SLC25A21: variants seen among roughly 807,000 people sequenced by gnomAD.
The protein encoded by SLC25A21 is mitochondrial 2-oxodicarboxylate carrier.
A neutral mutation model predicts 43.8 loss-of-function variants in SLC25A21; 47 were observed. That is an observed-to-expected ratio of 1.07 (90% CI 0.85 to 1.37). The LOEUF (loss-of-function observed/expected upper bound fraction) is 1.37. Among genes scored for constraint, SLC25A21 ranks in the 40% most tolerant of loss-of-function variants. SLC25A21 has a pLI of 0.00. For synonymous variants in SLC25A21, 131 were observed against 121.3 expected (o/e 1.08, Z -0.52); for missense variants, 352 against 350.2 (o/e 1.00, Z -0.04).
At chr14:37,044,066 G>C (rs893473394) in intron 1 of SLC25A21, among the ~76,000 whole-genome samples, 2 of 150,482 alleles carry the variant, frequency 1.3e-5, no homozygotes, top group African/African-American at 2.5e-5. Flanking sequence ...TTACAGGCTT[G>C]AGCCATCACA....
rs1882110303 is a variant in SLC25A21 at position 36,679,677 on chromosome 14, G to A, written c.*981C>T. 1 of 985,342 alleles carries A rather than the reference G, an allele frequency of 1.0e-6. No individual in the cohort carries two copies. The highest frequency in any genetic ancestry group is 1.7e-5 in the African/African-American group (1 of 57,342). The allele number at this position is 985,342 out of a possible 1,614,324, so 61.0% of individuals were successfully genotyped here. A position where few individuals can be genotyped will look rare whatever the true frequency, so the allele number is the denominator to read the frequency against. On this transcript the variant is annotated 3_prime_UTR_variant, in exon 10 of 10. Coordinates refer to ENST00000331299, the MANE Select transcript of SLC25A21 (RefSeq NM_030631.4). Reference sequence around the variant, plus strand: ...GACAGCTGACTTCCCACCTGAAGTTGTCGTTTAAAACTAATAACCTGAAAA... The same window carrying A: ...GACAGCTGACTTCCCACCTGAAGTTATCGTTTAAAACTAATAACCTGAAAA...
At chr14:36,800,923 G>C (rs1394412676) in intron 3 of SLC25A21, among the ~76,000 whole-genome samples, 1 of 152,158 alleles carries the variant, frequency 6.6e-6, no homozygotes, top group African/African-American at 2.4e-5. Context: ...AAAGCCCCTG[G>C]ATGATGGTGT....
At chr14:36,848,845 C>T (rs948692177) in intron 2 of SLC25A21, among the ~76,000 whole-genome samples, 2 of 152,172 alleles carry the variant, frequency 1.3e-5, no homozygotes, top group Non-Finnish European at 2.9e-5. Flanking sequence ...TTAAATCAGG[C>T]TGTCTGGAAT....
At chr14:37,107,949 T>C (rs1458699969) in intron 1 of SLC25A21, among the ~76,000 whole-genome samples, 3 of 152,206 alleles carry the variant, frequency 2.0e-5, no homozygotes, top group Admixed American at 6.5e-5. Flanking sequence ...AGTGGAATTA[T>C]CAATAGTATC....
At chr14:37,005,407 C>T (rs1041943250) in intron 1 of SLC25A21, among the ~76,000 whole-genome samples, 1 of 152,096 alleles carries the variant, frequency 6.6e-6, no homozygotes, top group African/African-American at 2.4e-5. Context: ...CTTATTGATT[C>T]CCTCAGAGCT....
rs75197263 is a variant in SLC25A21 at position 36,920,845 on chromosome 14, G to A, written c.71-45841C>T. Among the ~76,000 whole-genome samples, 115 of 152,090 alleles carry A rather than the reference G, an allele frequency of 7.6e-4. No individual in the cohort carries two copies. The East Asian group carries it at 0.011, about 15-fold the overall frequency. On this transcript the variant is annotated intron_variant, in intron 1 of 9. Coordinates refer to ENST00000331299, the MANE Select transcript of SLC25A21 (RefSeq NM_030631.4). ...GCACTAGCAATTTCACATATCTTAC[G>A]GGCAAAGTTATAGCACTAATGCTAT...
intron 1 of SLC25A21, among the ~76,000 whole-genome samples, chr14:37,091,946 G>A (rs1367239122): frequency 2.0e-5 from 3 of 152,080 alleles, no homozygotes; most frequent in Admixed American, 1.3e-4. Flanking sequence ...TGGGCAACAT[G>A]GCAAAACCCT....
intron 1 of SLC25A21, among the ~76,000 whole-genome samples, chr14:37,128,538 C>CTCTGTGTGTGTGTGTGTGTG (rs1555348857): frequency 8.1e-6 from 1 of 122,706 alleles, no homozygotes; most frequent in Non-Finnish European, 1.6e-5. Flanking sequence ...CTCTCTCTCT[C>CTCTGTGTGTGTGTGTGTGTG]TGTGTGTGTG....
At chr14:37,149,785 GAACT>G (rs1192715653) in intron 1 of SLC25A21, among the ~76,000 whole-genome samples, 2 of 151,906 alleles carry the variant, frequency 1.3e-5, no homozygotes, top group Non-Finnish European at 2.9e-5. Flanking sequence ...ATCCTCCTTA[GAACT>G]ATCTTGAAAT....
intron 1 of SLC25A21, among the ~76,000 whole-genome samples, chr14:37,066,343 G>T (rs776424389): frequency 1.3e-5 from 2 of 152,040 alleles, no homozygotes; most frequent in Non-Finnish European, 2.9e-5. Context: ...AAATGCTCCA[G>T]ATTTAAAAAG....
chr14:36,704,867 A>T (rs76317781), intron 7 of SLC25A21, among the ~76,000 whole-genome samples: 2,370 of 152,204 alleles, frequency 0.016, 69 homozygotes, highest in African/African-American at 0.055. Context: ...AATGGCAGTT[A>T]TTGTGACAAG....
At chr14:36,697,738 C>CTTTTTTTTTTTTTTTTTTTTTTTTTT (rs757711209) in intron 7 of SLC25A21, among the ~76,000 whole-genome samples, 13 of 111,644 alleles carry the variant, frequency 1.2e-4, no homozygotes, top group Non-Finnish European at 1.8e-4. Flanking sequence ...GCAAGCCCTA[C>CTTTTTTTTTTTTTTTTTTTTTTTTTT]TTTTTTTTTT....
chr14:36,881,747 T>C (rs539870326), intron 1 of SLC25A21, among the ~76,000 whole-genome samples: 1 of 152,180 alleles, frequency 6.6e-6, no homozygotes, highest in Non-Finnish European at 1.5e-5. Context: ...GTCATTCCTG[T>C]GCTTTCCTTC....
At chr14:36,981,913 G>A (rs1332164271) in intron 1 of SLC25A21, among the ~76,000 whole-genome samples, 1 of 152,134 alleles carries the variant, frequency 6.6e-6, no homozygotes, top group East Asian at 1.9e-4. Flanking sequence ...CCTAACAGGC[G>A]AGTTGATGTA....
In SLC25A21 at chr14:36,983,094, A is replaced by G. The variant is rs572805930; in HGVS notation, c.71-108090T>C. The stretch of plus-strand genomic sequence containing the variant: ...AACTATCTCTAGACATTAATCCTAT[A>G]AAGTTTTTAAAAAGAAAAGTTACTT... On this transcript the variant is annotated intron_variant, in intron 1 of 9. Coordinates refer to ENST00000331299, the MANE Select transcript of SLC25A21 (RefSeq NM_030631.4). Among the ~76,000 whole-genome samples, 12 of 152,332 alleles carry G rather than the reference A, an allele frequency of 7.9e-5. No individual in the cohort carries two copies. In the South Asian group the frequency reaches 2.5e-3, roughly 32 times the overall value.
At chr14:36,778,272 G>A (rs937814676) in intron 3 of SLC25A21, among the ~76,000 whole-genome samples, 1 of 152,218 alleles carries the variant, frequency 6.6e-6, no homozygotes, top group Non-Finnish European at 1.5e-5. Context: ...CATGCAGTCG[G>A]AAGGGGATGG....
rs2138659345 is a variant in SLC25A21, at chr14:36,949,263, T to C, written c.71-74259A>G. ...ACCTATAAGAAGCTTTGATCTTGAC[T>C]TATAGTCATCTATGTAATCATCTTC... On this transcript the variant is annotated intron_variant, in intron 1 of 9. Transcript: ENST00000331299. Among the ~76,000 whole-genome samples, 4 of 152,340 alleles carry C rather than the reference T, an allele frequency of 2.6e-5. 1 individual carries two copies. The highest frequency in any genetic ancestry group is 2.6e-4 in the Admixed American group (4 of 15,300).
intron 2 of SLC25A21, among the ~76,000 whole-genome samples, chr14:36,860,134 GAA>G (rs71124782): frequency 0.23 from 31,323 of 137,870 alleles, 3,553 homozygotes; most frequent in African/African-American, 0.3. Context: ...ATAAGGTAAT[GAA>G]AAAAAAAAAA....
intron 1 of SLC25A21, among the ~76,000 whole-genome samples, chr14:37,109,900 T>G (rs1318870183): frequency 6.6e-6 from 1 of 152,224 alleles, no homozygotes; most frequent in Non-Finnish European, 1.5e-5. Context: ...TATTTTCCAG[T>G]TATGTTTCCC....
Sources: allele counts gnomAD v4.1 joint callset (sites outside exome capture counted in the v4.1 genomes callset), GRCh38; gene constraint gnomAD v4.1.1; transcripts MANE v1.5; gene names NCBI Gene and HGNC (gene_info 2026-07-23, HGNC 2026-07-21).